The following CECR2 variants were observed in gnomAD, a reference collection of about 807,000 sequenced individuals.
CECR2 encodes the protein CECR2 histone acetyl-lysine reader.
A neutral mutation model predicts 154.5 loss-of-function variants in CECR2; 30 were observed. The observed-to-expected ratio is 0.19, with a 90% CI of 0.15 to 0.26. CECR2 has a LOEUF of 0.26. CECR2 is among the 10% of genes least tolerant of loss of function. The probability of loss-of-function intolerance (pLI) is 1.00; values close to 1 mark genes in which losing one functional copy is unlikely to be tolerated. For missense variants in CECR2, 1,743 were observed against 1,829.3 expected (o/e 0.95, Z 0.86); for synonymous variants, 725 against 683.7 (o/e 1.06, Z -0.94).
chr22:17,535,687 G>GA lies in CECR2; in HGVS notation c.1109-1404dup, dbSNP rs34098877. Among the ~76,000 whole-genome samples the GA allele has an allele frequency of 2.9e-3, 346 of 117,292 alleles. 1 individual carries two copies. The highest frequency in any genetic ancestry group is 6.5e-3 in the South Asian group (23 of 3,532). 76.9% of individuals were successfully genotyped at this position (117,292 alleles called of 152,430 possible). On this transcript the variant is annotated intron_variant, in intron 9 of 18. Transcript: ENST00000262608. The stretch of plus-strand genomic sequence containing the variant: ...GGTTGAAATTTTTCTTTTTTTTCCA[G>GA]AAAAAAAAAAAATAGTTGGTTTAGA...
intron 2 of CECR2, among the ~76,000 whole-genome samples, chr22:17,481,649 G>A (rs2055320768): frequency 6.6e-6 from 1 of 152,180 alleles, no homozygotes; most frequent in Admixed American, 6.5e-5. Flanking sequence ...CTGTCATTTT[G>A]TTCAGTGGCA....
chr22:17,381,838 C>T (rs1294254673), intron 1 of CECR2, among the ~76,000 whole-genome samples: 2 of 151,922 alleles, frequency 1.3e-5, no homozygotes, highest in African/African-American at 4.8e-5. Flanking sequence ...TTCTGGGGGT[C>T]ATGCTGAGTA....
intron 1 of CECR2, among the ~76,000 whole-genome samples, chr22:17,426,648 T>G (rs5747124): frequency 0.067 from 10,205 of 152,292 alleles, 920 homozygotes; most frequent in East Asian, 0.36. Flanking sequence ...TGAGCCACTA[T>G]GCCCGGCCTA....
intron 2 of CECR2, among the ~76,000 whole-genome samples, chr22:17,480,647 G>A (rs1569109319): frequency 6.6e-6 from 1 of 152,124 alleles, no homozygotes; most frequent in African/African-American, 2.4e-5. Flanking sequence ...CTTGTCTGAA[G>A]TTCTACTTTG....
intron 5 of CECR2, 74 bp from the exon 6 acceptor site, chr22:17,503,008 C>A: frequency 1.5e-6 from 2 of 1,335,552 alleles, no homozygotes; most frequent in South Asian, 1.2e-5. Context: ...ATGGGTTCTA[C>A]CATCCTGGGG....
intron 7 of CECR2, among the ~76,000 whole-genome samples, chr22:17,510,303 AG>A (rs1475514343): frequency 6.6e-6 from 1 of 152,096 alleles, no homozygotes; most frequent in Admixed American, 6.5e-5. Flanking sequence ...CTGTACTTAA[AG>A]TTGAAGAGAT....
chr22:17,384,773 C>T (rs1171442465), intron 1 of CECR2, among the ~76,000 whole-genome samples: 1 of 152,164 alleles, frequency 6.6e-6, no homozygotes, highest in Non-Finnish European at 1.5e-5. Flanking sequence ...AGAGAATCAG[C>T]CTGTCCTTTG....
intron 1 of CECR2, among the ~76,000 whole-genome samples, chr22:17,407,923 T>C (rs2054009499): frequency 6.6e-6 from 1 of 152,212 alleles, no homozygotes; most frequent in South Asian, 2.1e-4. Flanking sequence ...CCAGCTTATC[T>C]TGAGTTTTCA....
intron 1 of CECR2, among the ~76,000 whole-genome samples, chr22:17,450,062 T>A (rs2054744097): frequency 6.6e-6 from 1 of 152,132 alleles, no homozygotes; most frequent in South Asian, 2.1e-4. Flanking sequence ...AATAAACAGA[T>A]TATTCTGGGT....
At chr22:17,516,359 G>A (rs1319649113) in intron 8 of CECR2, among the ~76,000 whole-genome samples, 1 of 151,980 alleles carries the variant, frequency 6.6e-6, no homozygotes, top group Non-Finnish European at 1.5e-5. Context: ...CACATGGATG[G>A]CACAGCAGAA....
chr22:17,414,320 T>C (rs1001408316), intron 1 of CECR2, among the ~76,000 whole-genome samples: 2 of 152,198 alleles, frequency 1.3e-5, no homozygotes, highest in Non-Finnish European at 2.9e-5. Flanking sequence ...AGATTCTCAG[T>C]GTTGACAGAG....
chr22:17,395,043 A>G (rs1276457940), intron 1 of CECR2, among the ~76,000 whole-genome samples: 1 of 152,174 alleles, frequency 6.6e-6, no homozygotes, highest in Non-Finnish European at 1.5e-5. Flanking sequence ...TGTACCTACC[A>G]TCAATCAAGA....
chr22:17,469,741 AGCATTTCTTCCTTG>A (rs1386201195), intron 1 of CECR2, among the ~76,000 whole-genome samples: 3 of 152,164 alleles, frequency 2.0e-5, no homozygotes, highest in Admixed American at 1.3e-4. Flanking sequence ...CGTTCACCTT[AGCATTTCTTCCTTG>A]GCGGTGACCT....
At chr22:17,446,395 C>T (rs1335307660) in intron 1 of CECR2, among the ~76,000 whole-genome samples, 1 of 152,134 alleles carries the variant, frequency 6.6e-6, no homozygotes, top group African/African-American at 2.4e-5. Flanking sequence ...AGCCACGGAA[C>T]TTAGCGGTGA....
chr22:17,377,625 C>T (rs578106547), intron 1 of CECR2, among the ~76,000 whole-genome samples: 1 of 152,128 alleles, frequency 6.6e-6, no homozygotes, highest in Non-Finnish European at 1.5e-5. Context: ...TGAATAAGAT[C>T]CACTTACAGC....
Position 17,520,398 on chromosome 22 carries a change from T to G in CECR2, c.955-3720T>G, listed in dbSNP as rs193223306. ...AATCTTCCCTTTGACAAGGCTCAGGTTTTTTTTTTATTGTAAGTAGGATTT... is the reference window on the plus strand; with the variant it reads ...AATCTTCCCTTTGACAAGGCTCAGGGTTTTTTTTTATTGTAAGTAGGATTT... On this transcript the variant is annotated intron_variant, in intron 8 of 18. Coordinates refer to ENST00000262608, the MANE Select transcript of CECR2 (RefSeq NM_001290047.2). Among the ~76,000 whole-genome samples, 447 of 146,604 alleles carry G rather than the reference T, an allele frequency of 3.0e-3. 6 individuals carry two copies. Among genetic ancestry groups the G allele is most frequent in the African/African-American group, 0.011 (416 of 39,260 alleles).
intron 1 of CECR2, among the ~76,000 whole-genome samples, chr22:17,465,402 T>C (rs1453273658): frequency 6.6e-6 from 1 of 152,090 alleles, no homozygotes; most frequent in Admixed American, 6.6e-5. Flanking sequence ...CAGTCTTGGC[T>C]TGCTGCAATC....
At chr22:17,549,603 C>G in intron 17 of CECR2, 39 bp downstream of exon 17, 1 of 1,429,020 alleles carries the variant, frequency 7.0e-7, no homozygotes, top group African/African-American at 1.4e-5. Context: ...AAAGAGAGAA[C>G]AGATGTTTAT....
At chr22:17,384,472 C>T (rs914139499) in intron 1 of CECR2, among the ~76,000 whole-genome samples, 6 of 152,212 alleles carry the variant, frequency 3.9e-5, no homozygotes, top group Admixed American at 1.3e-4. Flanking sequence ...TGTCAGCAGA[C>T]ATGAAAACCA....
Sources: allele counts gnomAD v4.1 joint callset (sites outside exome capture counted in the v4.1 genomes callset), GRCh38; gene constraint gnomAD v4.1.1; transcripts MANE v1.5; gene names NCBI Gene and HGNC (gene_info 2026-07-23, HGNC 2026-07-21).